Variants in EPHA4 observed in about 807,000 individuals in gnomAD.
EPHA4 encodes ephrin type-A receptor 4.
EPHA4 carries 19 observed loss-of-function variants against 108.3 expected under a neutral mutation model. That is an observed-to-expected ratio of 0.18 (90% CI 0.12 to 0.26). EPHA4 has a LOEUF of 0.26. EPHA4 is among the 10% of genes least tolerant of loss of function. EPHA4 has a pLI of 1.00. For missense variants in EPHA4, 917 were observed against 1,254.0 expected (o/e 0.73, Z 4.06); for synonymous variants, 449 against 455.5 (o/e 0.99, Z 0.18).
chr2:221,552,880 T>A (rs776052818), intron 3 of EPHA4, among the ~76,000 whole-genome samples: 1 of 152,206 alleles, frequency 6.6e-6, no homozygotes, highest in Non-Finnish European at 1.5e-5. Context: ...AACATTAGTC[T>A]ATGGAAGAAA....
At chr2:221,549,138 G>A (rs1472698714) in intron 3 of EPHA4, among the ~76,000 whole-genome samples, 2 of 152,118 alleles carry the variant, frequency 1.3e-5, no homozygotes, top group Admixed American at 6.5e-5. Flanking sequence ...TGCAGCCAAT[G>A]TGAACACATC....
chr2:221,464,215 T>C lies in EPHA4; in HGVS notation c.1319-6225A>G, dbSNP rs573947336. Among the ~76,000 whole-genome samples the C allele has an allele frequency of 7.9e-5, 12 of 152,300 alleles. No homozygotes were observed. The South Asian group carries it at 2.5e-3, about 32-fold the overall frequency. On this transcript the variant is annotated intron_variant, in intron 5 of 17. Transcript: ENST00000281821. ...ATTTACTCAAGGGGTCTTTCATTGA[T>C]AGAAAAATATAAACCCACCATTTAT...
intron 8 of EPHA4, among the ~76,000 whole-genome samples, chr2:221,448,061 C>G (rs912343131): frequency 6.6e-6 from 1 of 152,000 alleles, no homozygotes; most frequent in Admixed American, 6.6e-5. Flanking sequence ...AAGCTGGTCT[C>G]AAACTCTTGA....
intron 8 of EPHA4, 152 bp from the exon 9 acceptor site, chr2:221,446,333 T>A (rs553765117): frequency 1.0e-5 from 4 of 393,442 alleles, no homozygotes; most frequent in African/African-American, 8.3e-5. Context: ...AGAGATGAAA[T>A]ACTTGTCACC....
chr2:221,432,199 C>T (rs1417901409), intron 14 of EPHA4, among the ~76,000 whole-genome samples: 1 of 151,180 alleles, frequency 6.6e-6, no homozygotes, highest in East Asian at 1.9e-4. Context: ...CAGATCTGAA[C>T]ATATTTAGGG....
At chr2:221,477,108 G>A (rs928826104) in intron 5 of EPHA4, among the ~76,000 whole-genome samples, 1 of 151,870 alleles carries the variant, frequency 6.6e-6, no homozygotes, top group Non-Finnish European at 1.5e-5. Context: ...CAACCCTAGA[G>A]AACAAGGTCA....
chr2:221,461,826 G>A (rs574690462), intron 5 of EPHA4, among the ~76,000 whole-genome samples: 3 of 152,064 alleles, frequency 2.0e-5, no homozygotes, highest in African/African-American at 7.2e-5. Context: ...AAGAGGAGAC[G>A]ATTCCTACTG....
chr2:221,445,784 T>C (rs1690575579), intron 9 of EPHA4, among the ~76,000 whole-genome samples: 1 of 152,016 alleles, frequency 6.6e-6, no homozygotes, highest in African/African-American at 2.4e-5. Context: ...CTTTTCCTCC[T>C]CCTCAAATTT....
intron 13 of EPHA4, among the ~76,000 whole-genome samples, chr2:221,434,989 T>G (rs1690186803): frequency 6.6e-6 from 1 of 152,194 alleles, no homozygotes; most frequent in Non-Finnish European, 1.5e-5. Context: ...TCAAATGTCT[T>G]GTTTGTTTAT....
At position 221,564,296 on chromosome 2, in the gene EPHA4, A is replaced by T; in HGVS notation, c.258T>A (p.Thr86=). The change falls in exon 3 of 18, where the codon ACT becomes ACA. Residue 86 remains threonine, a synonymous_variant. Coordinates refer to ENST00000281821, the MANE Select transcript of EPHA4 (RefSeq NM_004438.5). ...GAGCCCCTTCTCGGGTGATCCAATC[A>T]GTTCGTAGCCAGTTATTCTGGCTGG... The part of the protein sequence containing the change: ...MEPSQNNWLR[T]DWITREGAQR... 1 of 1,614,110 alleles carries T rather than the reference A, an allele frequency of 6.2e-7. No individual in the cohort carries two copies. The highest frequency in any genetic ancestry group is 1.3e-5 in the African/African-American group (1 of 75,028).
chr2:221,568,218 G>A (rs1241945534), intron 2 of EPHA4, among the ~76,000 whole-genome samples: 3 of 152,332 alleles, frequency 2.0e-5, no homozygotes, highest in East Asian at 1.9e-4. Context: ...GTCTCTCAGT[G>A]TGCAAAAGAA....
chr2:221,497,980 G>A (rs1159697968), intron 4 of EPHA4, among the ~76,000 whole-genome samples: 1 of 152,052 alleles, frequency 6.6e-6, no homozygotes, highest in Non-Finnish European at 1.5e-5. Context: ...CTTCCCCTTT[G>A]CATCCTTAAG....
chr2:221,456,176 A>AAT (rs1559248690), intron 7 of EPHA4, among the ~76,000 whole-genome samples: 1 of 152,008 alleles, frequency 6.6e-6, no homozygotes, highest in East Asian at 1.9e-4. Context: ...GGTCTTTAAA[A>AAT]AAAAAAAAAA....
intron 5 of EPHA4, among the ~76,000 whole-genome samples, chr2:221,458,255 G>A (rs1020294320): frequency 2.0e-5 from 3 of 152,160 alleles, no homozygotes; most frequent in African/African-American, 7.2e-5. Flanking sequence ...TCCACAGCAC[G>A]TAGAGACATT....
intron 5 of EPHA4, among the ~76,000 whole-genome samples, chr2:221,461,982 A>ATTTTT (rs1468396929): frequency 2.6e-5 from 2 of 76,986 alleles, no homozygotes; most frequent in African/African-American, 3.5e-5. Flanking sequence ...TGATGAACAC[A>ATTTTT]TTCTTTTTTT....
At chr2:221,446,215 TC>T in intron 8 of EPHA4, 34 bp from the exon 9 acceptor site, 1 of 1,356,062 alleles carries the variant, frequency 7.4e-7, no homozygotes. Flanking sequence ...AGAATTATTT[TC>T]CTCAAACACC....
chr2:221,465,222 T>C (rs1263390110), intron 5 of EPHA4, among the ~76,000 whole-genome samples: 2 of 152,182 alleles, frequency 1.3e-5, no homozygotes, highest in African/African-American at 4.8e-5. Context: ...TATAAATACT[T>C]GAACTAAATG....
chr2:221,518,091 A>G (rs1369851742), intron 3 of EPHA4, among the ~76,000 whole-genome samples: 1 of 152,224 alleles, frequency 6.6e-6, no homozygotes, highest in East Asian at 1.9e-4. Context: ...GTTTCCTCCC[A>G]GAACAGAATT....
chr2:221,569,865 G>A (rs1421853875), intron 1 of EPHA4, among the ~76,000 whole-genome samples: 1 of 152,112 alleles, frequency 6.6e-6, no homozygotes, highest in African/African-American at 2.4e-5. Context: ...AAAGTCAATG[G>A]AGTTAAAAAT....
Sources: allele counts gnomAD v4.1 joint callset (sites outside exome capture counted in the v4.1 genomes callset), GRCh38; gene constraint gnomAD v4.1.1; transcripts MANE v1.5; gene names NCBI Gene and HGNC (gene_info 2026-07-23, HGNC 2026-07-21).